The following HSF2BP variants were observed in gnomAD, a reference collection of about 807,000 sequenced individuals.
HSF2BP encodes heat shock factor 2-binding protein.
HSF2BP carries 35 observed loss-of-function variants against 35.0 expected under a neutral mutation model. That is an observed-to-expected ratio of 1.00 (90% CI 0.76 to 1.32). The LOEUF (loss-of-function observed/expected upper bound fraction) is 1.32. Among genes scored for constraint, HSF2BP ranks in the 40% most tolerant of loss-of-function variants. The pLI, the probability that HSF2BP is intolerant of heterozygous loss-of-function variation, is 0.00. For missense variants in HSF2BP, 326 were observed against 321.7 expected, an observed-to-expected ratio of 1.01 and a Z score of -0.10; for synonymous variants, 114 against 117.4, an observed-to-expected ratio of 0.97 and a Z score of 0.18.
intron 6 of HSF2BP, among the ~76,000 whole-genome samples, chr21:43,624,660 T>A (rs945560071): frequency 6.6e-6 from 1 of 152,158 alleles, no homozygotes; most frequent in Admixed American, 6.5e-5. Flanking sequence ...AAATTATCAA[T>A]CATCAAAAAG....
chr21:43,630,470 T>A lies in HSF2BP; in HGVS notation c.442-16A>T. ...AAGCTTTATCCTGAAAGTTTGAAAATCAGAGTGTCATATCTTTTTACAGAC... is the reference window on the plus strand; with the variant it reads ...AAGCTTTATCCTGAAAGTTTGAAAAACAGAGTGTCATATCTTTTTACAGAC... On this transcript the variant is annotated splice_polypyrimidine_tract_variant and intron_variant, in intron 5 of 8. Transcript: ENST00000291560. 1 of 1,606,238 alleles carries A rather than the reference T, an allele frequency of 6.2e-7. No individual in the cohort carries two copies. Among genetic ancestry groups the A allele is most frequent in the Non-Finnish European group, 8.5e-7 (1 of 1,177,522 alleles).
intron 5 of HSF2BP, among the ~76,000 whole-genome samples, chr21:43,632,216 C>T (rs1356821603): frequency 2.4e-5 from 3 of 126,308 alleles, no homozygotes; most frequent in Non-Finnish European, 5.0e-5. Context: ...AACACACATA[C>T]GATCCCACAT....
intron 4 of HSF2BP, among the ~76,000 whole-genome samples, chr21:43,639,719 A>T (rs1302318476): frequency 6.6e-6 from 1 of 152,206 alleles, no homozygotes; most frequent in African/African-American, 2.4e-5. Flanking sequence ...CTGGAAAACA[A>T]TTTGGCAATT....
intron 4 of HSF2BP, among the ~76,000 whole-genome samples, chr21:43,641,419 A>T (rs2082635316): frequency 6.6e-6 from 1 of 152,172 alleles, no homozygotes; most frequent in Non-Finnish European, 1.5e-5. Flanking sequence ...AGCAGGTATC[A>T]AGACCCAGTG....
chr21:43,634,968 CA>C (rs1412921972), intron 4 of HSF2BP, among the ~76,000 whole-genome samples: 1 of 151,974 alleles, frequency 6.6e-6, no homozygotes, highest in Non-Finnish European at 1.5e-5. Flanking sequence ...TGCACGACCA[CA>C]AAAAGACTAC....
chr21:43,657,502 C>T (rs2082888444), intron 2 of HSF2BP, among the ~76,000 whole-genome samples: 2 of 152,198 alleles, frequency 1.3e-5, no homozygotes, highest in Non-Finnish European at 1.5e-5. Context: ...CCCGTGATCT[C>T]ATCTACTATT....
intron 8 of HSF2BP, among the ~76,000 whole-genome samples, chr21:43,572,202 C>T (rs150788701): frequency 7.1e-4 from 108 of 152,248 alleles, no homozygotes; most frequent in African/African-American, 2.5e-3. Context: ...AGGGGAAACA[C>T]GACATGTCCA....
chr21:43,641,113 C>G (rs924982876), intron 4 of HSF2BP, among the ~76,000 whole-genome samples: 1 of 152,204 alleles, frequency 6.6e-6, no homozygotes, highest in African/African-American at 2.4e-5. Flanking sequence ...CTGCCTCAGC[C>G]TCCCGAGTAG....
intron 6 of HSF2BP, among the ~76,000 whole-genome samples, chr21:43,619,274 C>A (rs749983324): frequency 6.6e-6 from 1 of 152,198 alleles, no homozygotes; most frequent in Non-Finnish European, 1.5e-5. Context: ...ATTTCAAAAT[C>A]ATATCTCTGA....
At chr21:43,572,939 A>G (rs2081594577) in intron 8 of HSF2BP, among the ~76,000 whole-genome samples, 1 of 152,200 alleles carries the variant, frequency 6.6e-6, no homozygotes, top group South Asian at 2.1e-4. Flanking sequence ...ACACACTAAG[A>G]TTGGAGTATA....
At chr21:43,653,529 C>T (rs2082825087) in intron 3 of HSF2BP, among the ~76,000 whole-genome samples, 1 of 152,208 alleles carries the variant, frequency 6.6e-6, no homozygotes, top group Admixed American at 6.5e-5. Flanking sequence ...TCAGATTAGG[C>T]AGTGACTCTG....
intron 1 of HSF2BP, among the ~76,000 whole-genome samples, chr21:43,658,722 A>G (rs2082916989): frequency 1.3e-5 from 2 of 152,092 alleles, no homozygotes; most frequent in South Asian, 4.2e-4. Context: ...GCCCTGCCCA[A>G]CTCCCCTGGA....
intron 7 of HSF2BP, chr21:43,609,744 T>C (rs1300535045): frequency 6.6e-6 from 1 of 152,240 alleles, no homozygotes; most frequent in East Asian, 1.9e-4. Flanking sequence ...GCCATGAGCA[T>C]GTTGGAAGGC....
chr21:43,607,747 C>T (rs1004228707), intron 7 of HSF2BP, among the ~76,000 whole-genome samples: 2 of 152,146 alleles, frequency 1.3e-5, no homozygotes, highest in Admixed American at 6.5e-5. Flanking sequence ...CAAAAATAAA[C>T]ACATAGACCA....
chr21:43,589,907 C>A (rs764897133), intron 8 of HSF2BP, among the ~76,000 whole-genome samples: 1 of 152,152 alleles, frequency 6.6e-6, no homozygotes, highest in East Asian at 1.9e-4. Flanking sequence ...TATACCTAAA[C>A]GTGAAATGCA....
intron 8 of HSF2BP, among the ~76,000 whole-genome samples, chr21:43,579,249 C>CATCA (rs2081688404): frequency 6.6e-6 from 1 of 152,302 alleles, no homozygotes; most frequent in East Asian, 1.9e-4. Flanking sequence ...CCAGATCCTT[C>CATCA]ATCAATGAGT....
At chr21:43,605,661 A>T (rs1444500450) in intron 7 of HSF2BP, among the ~76,000 whole-genome samples, 2 of 149,940 alleles carry the variant, frequency 1.3e-5, no homozygotes, top group Admixed American at 1.3e-4. Context: ...CCACCCACAC[A>T]CAAAATACAC....
intron 3 of HSF2BP, among the ~76,000 whole-genome samples, chr21:43,649,341 G>A (rs1007448000): frequency 6.6e-6 from 1 of 151,988 alleles, no homozygotes; most frequent in Admixed American, 6.6e-5. Context: ...ACTGAGGCAG[G>A]AGAATGGCAT....
At chr21:43,647,387 C>T (rs532951579) in intron 3 of HSF2BP, among the ~76,000 whole-genome samples, 1 of 152,208 alleles carries the variant, frequency 6.6e-6, no homozygotes, top group African/African-American at 2.4e-5. Flanking sequence ...CCACCAACCA[C>T]GCCTGGCTAA....
Sources: allele counts gnomAD v4.1 joint callset (sites outside exome capture counted in the v4.1 genomes callset), GRCh38; gene constraint gnomAD v4.1.1; transcripts MANE v1.5; gene names NCBI Gene and HGNC (gene_info 2026-07-23, HGNC 2026-07-21).